ARHGAP20: variants seen among roughly 807,000 people sequenced by gnomAD.
The protein encoded by ARHGAP20 is rho GTPase-activating protein 20.
ARHGAP20 carries 34 observed loss-of-function variants against 73.7 expected under a neutral mutation model. The ratio of observed to expected loss-of-function variants is 0.46; its 90% confidence interval spans 0.35 to 0.61. The LOEUF is 0.61. Among genes scored for constraint, ARHGAP20 ranks in the 20% least tolerant of loss-of-function variants. The pLI, the probability that ARHGAP20 is intolerant of heterozygous loss-of-function variation, is 0.00. For synonymous variants in ARHGAP20, 523 were observed against 518.2 expected, an observed-to-expected ratio of 1.01 and a Z score of -0.13; for missense variants, 1,314 against 1,420.9, an observed-to-expected ratio of 0.92 and a Z score of 1.21.
At chr11:110,590,842 A>C (rs778974209) in intron 10 of ARHGAP20, 33 bp from the exon 11 acceptor site, 1 of 1,588,348 alleles carries the variant, frequency 6.3e-7, no homozygotes, top group South Asian at 1.1e-5. Flanking sequence ...AAACAAAATG[A>C]CACTTCCACA....
At position 110,577,767 on chromosome 11, in the gene ARHGAP20, G is replaced by A; in HGVS notation, c.*1603C>T. 1 of 985,784 alleles carries A rather than the reference G, an allele frequency of 1.0e-6. No individual in the cohort carries two copies. The highest frequency in any genetic ancestry group is 1.7e-5 in the African/African-American group (1 of 57,320). 61.1% of individuals were successfully genotyped at this position (985,784 alleles called of 1,614,324 possible). A position where few individuals can be genotyped will look rare whatever the true frequency, so the allele number is the denominator to read the frequency against. ...TCATTGTAATGGTTAGCGCAAACAG[G>A]GCCATGTCCCCAAGAGGTAGGTAGC... On this transcript the variant is annotated 3_prime_UTR_variant, in exon 15 of 15. Transcript: ENST00000683387.
intron 4 of ARHGAP20, among the ~76,000 whole-genome samples, chr11:110,623,882 C>T (rs1591323454): frequency 6.6e-6 from 1 of 152,122 alleles, no homozygotes; most frequent in East Asian, 1.9e-4. Context: ...ACAAAAATAA[C>T]TTGTCAAACC....
chr11:110,660,391 A>C (rs961292414), intron 2 of ARHGAP20, among the ~76,000 whole-genome samples: 3 of 152,270 alleles, frequency 2.0e-5, no homozygotes, highest in Non-Finnish European at 4.4e-5. Flanking sequence ...AGATACAAGT[A>C]CATAAATAAT....
rs567248525 is a variant in ARHGAP20, at chr11:110,679,342, T to C, written c.188+11205A>G. On this transcript the variant is annotated intron_variant, in intron 2 of 14. Coordinates refer to ENST00000683387, the MANE Select transcript of ARHGAP20 (RefSeq NM_001384657.1). ...TACACAGAGCAACTCTGATACAGTG[T>C]AGCAGGGATTAGACAAGGGTATGAA... is the stretch of plus-strand genomic sequence containing the variant. Among the ~76,000 whole-genome samples, 12 of 152,272 alleles carry C rather than the reference T, an allele frequency of 7.9e-5. 1 individual carries two copies. In the East Asian group the frequency reaches 2.3e-3, roughly 29 times the overall value.
At chr11:110,624,097 T>C (rs768412827) in intron 4 of ARHGAP20, 65 bp downstream of exon 4, 15 of 1,540,744 alleles carry the variant, frequency 9.7e-6, no homozygotes, top group Non-Finnish European at 1.2e-5. Context: ...ATTTTTAAAA[T>C]TTCAATCCTA....
intron 11 of ARHGAP20, chr11:110,589,533 T>TAG: frequency 1.0e-6 from 1 of 985,484 alleles, no homozygotes; most frequent in Non-Finnish European, 1.2e-6. Flanking sequence ...TCTCGACCCC[T>TAG]AGCTCTGGTG....
chr11:110,682,047 A>G (rs752059222), intron 2 of ARHGAP20, among the ~76,000 whole-genome samples: 5 of 152,206 alleles, frequency 3.3e-5, no homozygotes, highest in Non-Finnish European at 1.5e-5. Context: ...AGGGTCTACC[A>G]AGAATAAATC....
chr11:110,693,603 CTT>C (rs1489103526), intron 1 of ARHGAP20, among the ~76,000 whole-genome samples: 5 of 151,916 alleles, frequency 3.3e-5, no homozygotes, highest in Non-Finnish European at 5.9e-5. Context: ...TCAAAATACA[CTT>C]ATCTCTTTCT....
intron 11 of ARHGAP20, among the ~76,000 whole-genome samples, chr11:110,587,618 G>C (rs893896701): frequency 6.6e-6 from 1 of 152,162 alleles, no homozygotes; most frequent in Non-Finnish European, 1.5e-5. Flanking sequence ...CACAGTCCTA[G>C]CCATAGTAGA....
At chr11:110,703,350 T>C (rs1322588049) in intron 1 of ARHGAP20, among the ~76,000 whole-genome samples, 1 of 152,080 alleles carries the variant, frequency 6.6e-6, no homozygotes, top group Non-Finnish European at 1.5e-5. Flanking sequence ...TGCAGAAGAA[T>C]GGGCACTAGG....
intron 2 of ARHGAP20, among the ~76,000 whole-genome samples, chr11:110,656,325 C>T (rs1156545902): frequency 6.6e-6 from 1 of 152,076 alleles, no homozygotes; most frequent in Non-Finnish European, 1.5e-5. Context: ...TTTTCCTGCC[C>T]CTCCTCAATC....
chr11:110,688,604 TA>T (rs558039753), intron 2 of ARHGAP20, among the ~76,000 whole-genome samples: 52 of 150,712 alleles, frequency 3.5e-4, no homozygotes, highest in African/African-American at 1.1e-3. Context: ...CCACCTCCCC[TA>T]AAAAAAAATA....
intron 1 of ARHGAP20, among the ~76,000 whole-genome samples, chr11:110,706,458 A>G (rs1950554419): frequency 6.6e-6 from 1 of 152,102 alleles, no homozygotes; most frequent in African/African-American, 2.4e-5. Context: ...TTGTATTTTT[A>G]TTCAAGTTCC....
At chr11:110,593,228 G>A (rs1947872677) in intron 9 of ARHGAP20, among the ~76,000 whole-genome samples, 1 of 152,130 alleles carries the variant, frequency 6.6e-6, no homozygotes, top group African/African-American at 2.4e-5. Context: ...AGAACAGGCA[G>A]AAGAAAGGTC....
In ARHGAP20 at chr11:110,580,001, T is replaced by C; in HGVS notation, c.2945A>G (p.Gln982Arg). Residue 982 changes from glutamine to arginine, a missense_variant, in exon 15 of 15, where the codon CAG becomes CGG. This residue lies in a region of ARHGAP20 where 641 missense variants were observed against 636.9 expected (regional missense o/e 1.01). Transcript: ENST00000683387. ...AGGAGAAAGGTCTTCCCGTTTTCTCTGAGCCTGAAAAGTGCAATCTATTGG... is the reference window on the plus strand; with the variant it reads ...AGGAGAAAGGTCTTCCCGTTTTCTCCGAGCCTGAAAAGTGCAATCTATTGG... ...SSPIDCTFQAQRKREDLSPDF... is the reference protein window; with the variant it reads ...SSPIDCTFQARRKREDLSPDF... The C allele has an allele frequency of 6.2e-7, 1 of 1,614,242 alleles. No homozygotes were observed. The highest frequency in any genetic ancestry group is 8.5e-7 in the Non-Finnish European group (1 of 1,180,040).
intron 1 of ARHGAP20, among the ~76,000 whole-genome samples, chr11:110,702,757 C>A (rs1285652781): frequency 6.6e-6 from 1 of 152,044 alleles, no homozygotes; most frequent in Non-Finnish European, 1.5e-5. Context: ...AATAGAGAGC[C>A]AAATCATGAG....
intron 2 of ARHGAP20, among the ~76,000 whole-genome samples, chr11:110,649,083 CT>C (rs1342077202): frequency 7.3e-5 from 11 of 151,516 alleles, no homozygotes; most frequent in Non-Finnish European, 1.3e-4. Flanking sequence ...AATTTAAATA[CT>C]TTCTCTTTGC....
intron 6 of ARHGAP20, among the ~76,000 whole-genome samples, chr11:110,612,697 G>T (rs1289097298): frequency 6.6e-6 from 1 of 152,130 alleles, no homozygotes; most frequent in African/African-American, 2.4e-5. Context: ...AATGAAATCT[G>T]ATAATTCATT....
At chr11:110,650,620 T>C (rs967231246) in intron 2 of ARHGAP20, among the ~76,000 whole-genome samples, 4 of 152,228 alleles carry the variant, frequency 2.6e-5, no homozygotes, top group Middle Eastern at 3.4e-3. Context: ...TGGAATTATT[T>C]TCCACTAGTG....
Sources: allele counts gnomAD v4.1 joint callset (sites outside exome capture counted in the v4.1 genomes callset), GRCh38; gene constraint gnomAD v4.1.1; regional missense constraint gnomAD v4.1.1; transcripts MANE v1.5; gene names NCBI Gene and HGNC (gene_info 2026-07-23, HGNC 2026-07-21).